Variants in MEGF11 observed in about 807,000 individuals in gnomAD.
MEGF11 encodes the protein multiple EGF like domains 11.
In MEGF11, 126 loss-of-function variants were observed where a neutral mutation model predicts 146.6. The observed-to-expected ratio is 0.86, with a 90% confidence interval of 0.74 to 1.00. The LOEUF is 1.00. Among genes scored for constraint, MEGF11 ranks in the 50% least tolerant of loss-of-function variants. The pLI, the probability that MEGF11 is intolerant of heterozygous loss-of-function variation, is 0.00. For missense variants in MEGF11, 1,509 were observed against 1,521.2 expected, an observed-to-expected ratio of 0.99 and a Z score of 0.13; for synonymous variants, 532 against 583.4, an observed-to-expected ratio of 0.91 and a Z score of 1.27.
At chr15:65,913,504 TGGCAGGA>T in intron 20 of MEGF11, 1 of 589,180 alleles carries the variant, frequency 1.7e-6, no homozygotes, top group Non-Finnish European at 3.0e-6. Context: ...TCTGGGAAAA[TGGCAGGA>T]GGCTCCCAAC....
intron 1 of MEGF11, among the ~76,000 whole-genome samples, chr15:66,131,067 T>C (rs1237635911): frequency 6.6e-6 from 1 of 152,262 alleles, no homozygotes; most frequent in Non-Finnish European, 1.5e-5. Context: ...ATAGATCTGC[T>C]GGTTCTCTTC....
chr15:65,921,500 A>T (rs2141251102), intron 15 of MEGF11, among the ~76,000 whole-genome samples: 1 of 152,204 alleles, frequency 6.6e-6, no homozygotes, highest in East Asian at 1.9e-4. Flanking sequence ...TCCACCTTTC[A>T]AGCTAAGGCC....
intron 21 of MEGF11, 147 bp downstream of exon 21, chr15:65,911,935 C>T (rs548709083): frequency 7.2e-6 from 3 of 415,766 alleles, no homozygotes; most frequent in Non-Finnish European, 1.2e-5. Context: ...ACGTGTACCA[C>T]GGATTGCAAG....
intron 5 of MEGF11, among the ~76,000 whole-genome samples, chr15:66,014,864 G>C (rs556917482): frequency 6.6e-6 from 1 of 152,180 alleles, no homozygotes; most frequent in South Asian, 2.1e-4. Context: ...TAACCACATA[G>C]AGATGTACGC....
intron 10 of MEGF11, among the ~76,000 whole-genome samples, chr15:65,954,741 C>T (rs1348209371): frequency 6.6e-6 from 1 of 152,202 alleles, no homozygotes; most frequent in Admixed American, 6.5e-5. Flanking sequence ...AGTGGCCTGG[C>T]CTCCAGACTG....
chr15:66,085,743 C>G, intron 5 of MEGF11, among the ~76,000 whole-genome samples: 1 of 152,134 alleles, frequency 6.6e-6, no homozygotes, highest in Non-Finnish European at 1.5e-5. Flanking sequence ...GAAAACCAAC[C>G]CTGGTAATAT....
intron 10 of MEGF11, among the ~76,000 whole-genome samples, chr15:65,943,583 G>A (rs1567169185): frequency 6.6e-6 from 1 of 152,174 alleles, no homozygotes; most frequent in Non-Finnish European, 1.5e-5. Context: ...AGCAGGTTAG[G>A]GATAGGATTT....
chr15:66,224,367 G>C (rs776669304), intron 1 of MEGF11, among the ~76,000 whole-genome samples: 1 of 152,024 alleles, frequency 6.6e-6, no homozygotes, highest in Non-Finnish European at 1.5e-5. Flanking sequence ...TTGAGGCCGG[G>C]AGTTCGAGAC....
At chr15:66,047,021 A>G (rs149165352) in intron 5 of MEGF11, among the ~76,000 whole-genome samples, 46 of 152,356 alleles carry the variant, frequency 3.0e-4, no homozygotes, top group African/African-American at 1.1e-3. Flanking sequence ...CACAGATTTC[A>G]GCACATCCCA....
At chr15:66,054,642 A>C (rs2084606324) in intron 5 of MEGF11, among the ~76,000 whole-genome samples, 1 of 152,248 alleles carries the variant, frequency 6.6e-6, no homozygotes. Flanking sequence ...CTTGGGCTGC[A>C]GAGGTATTCT....
At chr15:65,931,643 A>G (rs2079579103) in intron 10 of MEGF11, among the ~76,000 whole-genome samples, 1 of 152,198 alleles carries the variant, frequency 6.6e-6, no homozygotes, top group Non-Finnish European at 1.5e-5. Context: ...TTGACTCCAA[A>G]GTCTGTATTA....
At chr15:66,076,812 A>G (rs983174986) in intron 5 of MEGF11, among the ~76,000 whole-genome samples, 8 of 152,036 alleles carry the variant, frequency 5.3e-5, no homozygotes, top group East Asian at 1.9e-4. Context: ...CCCCCATCCA[A>G]TCTGTTTCCT....
At chr15:66,177,787 C>T (rs1318362985) in intron 1 of MEGF11, among the ~76,000 whole-genome samples, 4 of 151,298 alleles carry the variant, frequency 2.6e-5, no homozygotes, top group East Asian at 1.9e-4. Flanking sequence ...TGGGTTCAAA[C>T]GATCTTCCTT....
chr15:65,922,594 G>A, intron 14 of MEGF11, 122 bp from the exon 15 acceptor site: 2 of 1,385,080 alleles, frequency 1.4e-6, no homozygotes, highest in South Asian at 1.5e-5. Flanking sequence ...ATCTTGGAGG[G>A]CGCATCCCTT....
chr15:65,912,010 T>A (rs928152889), intron 21 of MEGF11, 72 bp downstream of exon 21: 5 of 892,862 alleles, frequency 5.6e-6, no homozygotes, highest in Middle Eastern at 3.9e-4. Context: ...GGCGTGCAGT[T>A]CCTTCCTGGG....
chr15:65,924,636 TTTTTTTTTTG>T (rs2079302937), intron 13 of MEGF11, among the ~76,000 whole-genome samples: 1 of 150,278 alleles, frequency 6.7e-6, no homozygotes, highest in Non-Finnish European at 1.5e-5. Flanking sequence ...TTTTTTTTTT[TTTTTTTTTTG>T]GAGACAGGGT....
intron 1 of MEGF11, among the ~76,000 whole-genome samples, chr15:66,183,180 C>T (rs542357559): frequency 2.0e-5 from 3 of 152,130 alleles, no homozygotes; most frequent in South Asian, 2.1e-4. Context: ...TGGGTGTCTG[C>T]GGGAGTGAGG....
chr15:65,987,182 G>A (rs2081891542), intron 5 of MEGF11, among the ~76,000 whole-genome samples: 1 of 152,200 alleles, frequency 6.6e-6, no homozygotes, highest in South Asian at 2.1e-4. Context: ...AGTTGATCAG[G>A]CAGTTACTAA....
intron 5 of MEGF11, among the ~76,000 whole-genome samples, chr15:66,084,944 G>A (rs544212963): frequency 6.6e-6 from 1 of 152,142 alleles, no homozygotes; most frequent in African/African-American, 2.4e-5. Flanking sequence ...AACAGACTCC[G>A]GGCTGTTGCG....
Sources: gnomAD v4.1 joint callset for allele counts (sites outside exome capture counted in the v4.1 genomes callset) on GRCh38, gnomAD v4.1.1 for gene constraint, MANE v1.5 for transcripts, NCBI Gene and HGNC (gene_info 2026-07-23, HGNC 2026-07-21) for gene names.